The following PCBP3 variants were observed in gnomAD, a reference collection of about 807,000 sequenced individuals.
PCBP3 encodes poly(rC) binding protein 3.
A neutral mutation model predicts 52.7 loss-of-function variants in PCBP3; 25 were observed. The observed-to-expected ratio is 0.47, with a 90% confidence interval of 0.35 to 0.66. PCBP3 has a LOEUF of 0.66. Among genes scored for constraint, PCBP3 ranks in the 30% least tolerant of loss-of-function variants. PCBP3 has a pLI of 0.01. For missense variants in PCBP3, 391 were observed against 490.3 expected (o/e 0.80, Z 1.91); for synonymous variants, 162 against 183.0 (o/e 0.89, Z 0.93).
At chr21:45,889,053 T>C (rs553913575) in intron 5 of PCBP3, among the ~76,000 whole-genome samples, 1 of 152,218 alleles carries the variant, frequency 6.6e-6, no homozygotes, top group South Asian at 2.1e-4. Context: ...CATAAGCAAG[T>C]AAGTAAAGAA....
rs1166760225 is a variant in PCBP3 at position 45,850,067 on chromosome 21, T to C, written c.-19T>C. ...ACCTTTGCTGTCTATGGATCTGCTC[T>C]AAACCTTATAGCCTGCTTATGGGGG... On this transcript the variant is annotated 5_prime_UTR_variant, in exon 5 of 18. The change abolishes the stop of an existing upstream ORF in the 5' untranslated region. Transcript: ENST00000681687. 1 of 1,549,396 alleles carries C rather than the reference T, an allele frequency of 6.5e-7. No individual in the cohort carries two copies. Among genetic ancestry groups the C allele is most frequent in the Non-Finnish European group, 8.7e-7 (1 of 1,144,962 alleles).
chr21:45,888,139 G>T (rs1171034886), intron 5 of PCBP3, among the ~76,000 whole-genome samples: 2 of 152,218 alleles, frequency 1.3e-5, no homozygotes, highest in Non-Finnish European at 2.9e-5. Context: ...AGGGCAGGGG[G>T]GTCTGCCCTA....
At chr21:45,889,588 C>T (rs184432383) in intron 5 of PCBP3, among the ~76,000 whole-genome samples, 2 of 152,348 alleles carry the variant, frequency 1.3e-5, no homozygotes, top group African/African-American at 4.8e-5. Context: ...TTCTGCAGCC[C>T]GCCCTTGGGA....
At chr21:45,841,330 T>C (rs2147999285) in intron 4 of PCBP3, among the ~76,000 whole-genome samples, 1 of 152,320 alleles carries the variant, frequency 6.6e-6, no homozygotes, top group South Asian at 2.1e-4. Flanking sequence ...TTTAATTATT[T>C]TCATTCTCTT....
chr21:45,714,354 T>G (rs2084066886), intron 2 of PCBP3, among the ~76,000 whole-genome samples: 1 of 152,210 alleles, frequency 6.6e-6, no homozygotes, highest in South Asian at 2.1e-4. Flanking sequence ...TTCTGGTTGC[T>G]TAGGCCAAAA....
At chr21:45,909,905 C>T (rs1288040023) in intron 10 of PCBP3, among the ~76,000 whole-genome samples, 42 of 106,006 alleles carry the variant, frequency 4.0e-4, no homozygotes, top group African/African-American at 8.9e-4. Flanking sequence ...GATACAGACC[C>T]GGCCCACCCA....
chr21:45,855,106 T>A (rs1569327023), intron 5 of PCBP3, among the ~76,000 whole-genome samples: 1 of 152,264 alleles, frequency 6.6e-6, no homozygotes, highest in Non-Finnish European at 1.5e-5. Context: ...GCCCCCAGGC[T>A]CCACCACGGA....
intron 5 of PCBP3, among the ~76,000 whole-genome samples, chr21:45,885,054 T>C (rs930963113): frequency 8.5e-5 from 13 of 152,236 alleles, no homozygotes; most frequent in Non-Finnish European, 1.5e-5. Context: ...CATTATTTCA[T>C]TTCTGTTTAG....
intron 9 of PCBP3, chr21:45,901,331 A>C: frequency 1.9e-6 from 1 of 513,572 alleles, no homozygotes; most frequent in Non-Finnish European, 3.6e-6. Context: ...GAAGCCAGCT[A>C]CTCCCGGCTG....
chr21:45,785,236 T>A (rs1219993596), intron 4 of PCBP3, among the ~76,000 whole-genome samples: 2 of 150,296 alleles, frequency 1.3e-5, no homozygotes, highest in African/African-American at 2.5e-5. Context: ...AGCCACCCCG[T>A]CTGGGAAGTG....
intron 2 of PCBP3, among the ~76,000 whole-genome samples, chr21:45,693,148 G>A (rs2082579296): frequency 6.6e-6 from 1 of 151,834 alleles, no homozygotes; most frequent in Non-Finnish European, 1.5e-5. Flanking sequence ...CCTGATAAAG[G>A]GCATCTATAA....
At chr21:45,925,320 G>A (rs950172681) in intron 13 of PCBP3, among the ~76,000 whole-genome samples, 2 of 152,228 alleles carry the variant, frequency 1.3e-5, no homozygotes, top group African/African-American at 4.8e-5. Context: ...CAACAAAGAA[G>A]TCCGATATGT....
In PCBP3 at chr21:45,917,499, A is replaced by C. The variant is rs1433052860; in HGVS notation, c.676-89A>C. ...CACACGAGGGGGAAGCTTCTACCGG[A>C]GGGTCCTTGTCATGCTGGAGGGTGG... is the stretch of plus-strand genomic sequence containing the variant. On this transcript the variant is annotated intron_variant, in intron 12 of 17. Coordinates refer to ENST00000681687, the MANE Select transcript of PCBP3 (RefSeq NM_001384156.1). This position sits in a 1 kb window ranked among gnomAD's most constrained non-coding sequence, Gnocchi z 5.3. 1.0e-6 allele frequency: 1 copy of C among 983,390 alleles called. No homozygotes were observed. The highest frequency in any genetic ancestry group is 2.4e-5 in the East Asian group (1 of 41,816). 60.9% of individuals were successfully genotyped at this position (983,390 alleles called of 1,614,324 possible). A position where few individuals can be genotyped will look rare whatever the true frequency, so the allele number is the denominator to read the frequency against.
At chr21:45,894,034 A>G in intron 5 of PCBP3, 1 of 985,356 alleles carries the variant, frequency 1.0e-6, no homozygotes, top group Non-Finnish European at 1.2e-6. Context: ...GCCTAGGGAG[A>G]GCCAGAGAGT....
chr21:45,862,729 C>T (rs939928219), intron 5 of PCBP3, among the ~76,000 whole-genome samples: 1 of 152,230 alleles, frequency 6.6e-6, no homozygotes, highest in Non-Finnish European at 1.5e-5. Flanking sequence ...TGGGCCCCAG[C>T]AGGAGCCAGC....
chr21:45,674,234 T>C (rs1031725430), intron 2 of PCBP3, among the ~76,000 whole-genome samples: 1 of 152,232 alleles, frequency 6.6e-6, no homozygotes, highest in African/African-American at 2.4e-5. Context: ...ATGTTGTTAT[T>C]CTTTATGTAG....
At chr21:45,739,822 T>G (rs1056564535) in intron 3 of PCBP3, among the ~76,000 whole-genome samples, 2 of 152,192 alleles carry the variant, frequency 1.3e-5, no homozygotes, top group African/African-American at 4.8e-5. Flanking sequence ...CCACAGCACC[T>G]GGTGCTGCAT....
At chr21:45,834,274 T>C (rs895028263) in intron 4 of PCBP3, among the ~76,000 whole-genome samples, 8 of 152,226 alleles carry the variant, frequency 5.3e-5, no homozygotes, top group Non-Finnish European at 1.2e-4. Flanking sequence ...GGCAGTGTCG[T>C]GTCCTGTCAC....
chr21:45,941,498 C>T (rs796160377), intron 17 of PCBP3, among the ~76,000 whole-genome samples, 172 bp from the exon 18 acceptor site: 2 of 152,102 alleles, frequency 1.3e-5, no homozygotes, highest in East Asian at 1.9e-4. Context: ...GGGACCAGGG[C>T]GGGGAAGAGG....
Sources: gnomAD v4.1 joint callset for allele counts (sites outside exome capture counted in the v4.1 genomes callset) on GRCh38, gnomAD v4.1.1 for gene constraint, Gnocchi (gnomAD v3.1) non-coding constraint, MANE v1.5 for transcripts, NCBI Gene and HGNC (gene_info 2026-07-23, HGNC 2026-07-21) for gene names.